The following HSPG2 variants were observed in gnomAD, a reference collection of about 807,000 sequenced individuals.
HSPG2 encodes the protein heparan sulfate proteoglycan 2.
A neutral mutation model predicts 526.6 loss-of-function variants in HSPG2; 278 were observed. The ratio of observed to expected loss-of-function variants is 0.53; its 90% CI spans 0.48 to 0.58. The LOEUF is 0.58. HSPG2 is among the 20% of genes least tolerant of loss of function. The probability of loss-of-function intolerance (pLI) is 0.00; values close to 1 mark genes in which losing one functional copy is unlikely to be tolerated. For missense variants in HSPG2, 5,354 were observed against 6,099.5 expected (o/e 0.88, Z 4.07); for synonymous variants, 2,465 against 2,555.4 (o/e 0.96, Z 1.07).
At chr1:21,896,412 G>T in intron 1 of HSPG2, 102 bp from the exon 2 acceptor site, 1 of 1,385,888 alleles carries the variant, frequency 7.2e-7, no homozygotes, top group Non-Finnish European at 1.0e-6. Flanking sequence ...CCACCTTCAG[G>T]CCCCTTAGTG....
intron 37 of HSPG2, among the ~76,000 whole-genome samples, chr1:21,863,147 T>C (rs1207468813): frequency 7.8e-6 from 1 of 127,674 alleles, no homozygotes; most frequent in East Asian, 2.2e-4. Context: ...CCAAGGCGGG[T>C]GGATCACAAG....
Position 21,873,414 on chromosome 1 carries a change from C to T in HSPG2, c.3754G>A (p.Gly1252Ser), listed in dbSNP as rs370163974. Residue 1252 changes from glycine to serine, a missense_variant, in exon 30 of 97, where the codon GGC (glycine) becomes AGC (serine). By Grantham distance (56) the Gly-to-Ser change is moderately conservative. Coordinates refer to ENST00000374695, the MANE Select transcript of HSPG2 (RefSeq NM_005529.7). ...SGRHCERCAP[G>S]YYGNPSQGQP... ...CCCTGGCTGGGGTTGCCATAGTAGC[C>T]AGGGGCGCACCTGCAGAGAGAAAAA... 9 of 1,614,080 alleles carry T rather than the reference C, an allele frequency of 5.6e-6. No individual in the cohort carries two copies. The African/African-American group carries it at 1.2e-4, about 22-fold the overall frequency.
chr1:21,879,717 G>C (rs113528140), intron 17 of HSPG2, among the ~76,000 whole-genome samples: 2,455 of 152,126 alleles, frequency 0.016, 59 homozygotes, highest in African/African-American at 0.055. Flanking sequence ...CAGGGGCACG[G>C]TCTTGGCCTA....
In HSPG2 at chr1:21,857,526, T is replaced by C. The variant is rs906964340; in HGVS notation, c.5294-141A>G. ...CTCATTCTACCCCCTGGCACCTCCC[T>C]CCCCCATTCTGGCTGAACCCCACCA... On this transcript the variant is annotated intron_variant, in intron 42 of 96. Coordinates refer to ENST00000374695, the MANE Select transcript of HSPG2 (RefSeq NM_005529.7). 27 of 771,326 alleles carry C rather than the reference T, an allele frequency of 3.5e-5. No individual in the cohort carries two copies. In the African/African-American group the frequency reaches 3.8e-4, roughly 11 times the overall value. 47.8% of individuals were successfully genotyped at this position (771,326 alleles called of 1,614,324 possible). A position where few individuals can be genotyped will look rare whatever the true frequency, so the allele number is the denominator to read the frequency against.
chr1:21,848,184 G>T lies in HSPG2; in HGVS notation c.7738-91C>A. The T allele has an allele frequency of 1.4e-6, 2 of 1,453,958 alleles. No homozygotes were observed. Among genetic ancestry groups the T allele is most frequent in the Non-Finnish European group, 9.3e-7 (1 of 1,071,606 alleles). 90.1% of individuals were successfully genotyped at this position (1,453,958 alleles called of 1,614,324 possible). A position where few individuals can be genotyped will look rare whatever the true frequency, so the allele number is the denominator to read the frequency against. ...TGCTGCCGCTGCCCCTGGACTCTGG[G>T]GGCCTCCCTGCCTTGCCTCCTCAGT... On this transcript the variant is annotated intron_variant, in intron 59 of 96. Transcript: ENST00000374695. The surrounding 1 kb of genome is among the most constrained non-coding windows in gnomAD (Gnocchi z 4.9).
intron 86 of HSPG2, 181 bp downstream of exon 86, chr1:21,829,812 T>C (rs2152690703): frequency 1.4e-6 from 1 of 711,860 alleles, no homozygotes; most frequent in South Asian, 1.7e-5. Context: ...GGGGTCCTCT[T>C]TGGGGGCCCT....
At chr1:21,903,676 T>C (rs1172073365) in intron 1 of HSPG2, among the ~76,000 whole-genome samples, 2 of 152,218 alleles carry the variant, frequency 1.3e-5, no homozygotes, top group Non-Finnish European at 2.9e-5. Flanking sequence ...GCCTCCTTCC[T>C]GGGGCTACTG....
intron 28 of HSPG2, 75 bp downstream of exon 28, chr1:21,874,331 C>A: frequency 6.3e-7 from 1 of 1,586,054 alleles, no homozygotes; most frequent in Non-Finnish European, 8.6e-7. Flanking sequence ...TCAGAAGGGC[C>A]CTGGATGAAG....
chr1:21,845,827 T>C (rs1036668553), intron 64 of HSPG2, among the ~76,000 whole-genome samples: 1 of 152,230 alleles, frequency 6.6e-6, no homozygotes, highest in Non-Finnish European at 1.5e-5. Context: ...CTGAGGTCCC[T>C]TGTGCAACAT....
intron 91 of HSPG2, chr1:21,825,097 G>T: frequency 2.4e-6 from 1 of 415,626 alleles, no homozygotes; most frequent in South Asian, 2.3e-5. Flanking sequence ...GACAGTAGCT[G>T]CAAATATTTC....
intron 1 of HSPG2, among the ~76,000 whole-genome samples, chr1:21,929,931 G>A (rs1431247649): frequency 2.0e-5 from 3 of 152,076 alleles, no homozygotes. Flanking sequence ...CCTTTGCTCT[G>A]GACCCTCCCC....
chr1:21,837,623 T>C (rs1479937531), intron 74 of HSPG2, among the ~76,000 whole-genome samples: 1 of 152,062 alleles, frequency 6.6e-6, no homozygotes, highest in Non-Finnish European at 1.5e-5. Context: ...CAGCAAAGCC[T>C]ATTCTGCCTG....
intron 74 of HSPG2, among the ~76,000 whole-genome samples, chr1:21,837,902 G>A (rs2098033057): frequency 6.6e-6 from 1 of 152,088 alleles, no homozygotes. Context: ...TTGGGAGGCT[G>A]AGGTGGGTGG....
intron 50 of HSPG2, chr1:21,853,791 T>G: frequency 4.9e-6 from 1 of 203,406 alleles, no homozygotes; most frequent in Non-Finnish European, 9.8e-6. Context: ...TAAAATAAAA[T>G]AAAATAATAA....
rs765575912 is a variant in HSPG2 at position 21,874,948 on chromosome 1, G to A, written c.3357C>T (p.Pro1119=). The A allele has an allele frequency of 1.7e-5, 28 of 1,612,262 alleles. No individual in the cohort carries two copies. Among genetic ancestry groups the A allele is most frequent in the Middle Eastern group, 1.7e-4 (1 of 6,058 alleles). The change falls in exon 26 of 97, where the codon CCC becomes CCT. Residue 1119 remains proline (P), a synonymous_variant. Coordinates refer to ENST00000374695, the MANE Select transcript of HSPG2 (RefSeq NM_005529.7). ...VAVPEETGQD[P]ALEVEQCSCP... Reference sequence around the variant, plus strand: ...AGGAGCACTGTTCCACTTCCAGCGCGGGGTCCTGGCCGGTTTCCTCGGGCA... The same window carrying A: ...AGGAGCACTGTTCCACTTCCAGCGCAGGGTCCTGGCCGGTTTCCTCGGGCA...
At chr1:21,891,090 C>T (rs1288433972) in intron 3 of HSPG2, among the ~76,000 whole-genome samples, 4 of 152,208 alleles carry the variant, frequency 2.6e-5, no homozygotes, top group African/African-American at 9.7e-5. Flanking sequence ...CTACTCATTC[C>T]TCAGGACTTG....
Position 21,854,750 on chromosome 1 carries a change from G to A in HSPG2, c.6149C>T (p.Pro2050Leu), listed in dbSNP as rs1410461977. Residue 2050 changes from proline to leucine, a missense_variant, in exon 49 of 97, where the codon CCA becomes CTA. By Grantham distance (98) the Pro-to-Leu change is moderately conservative. Coordinates refer to ENST00000374695, the MANE Select transcript of HSPG2 (RefSeq NM_005529.7). The stretch of plus-strand genomic sequence containing the variant: ...TGAGGACTCAATCTTGACCGGCGGT[G>A]GGCTGGCATCTGAGGCTGGGGCCAG... Reference protein sequence around the residue: ...VVVLSASDASPPPVKIESSSP... With the variant: ...VVVLSASDASLPPVKIESSSP... 1 of 1,613,722 alleles carries A rather than the reference G, an allele frequency of 6.2e-7. No individual in the cohort carries two copies. Among genetic ancestry groups the A allele is most frequent in the Admixed American group, 1.7e-5 (1 of 59,960 alleles).
Position 21,839,419 on chromosome 1 carries a change from T to C in HSPG2, c.9841A>G (p.Thr3281Ala). 1 of 1,613,932 alleles carries C rather than the reference T, an allele frequency of 6.2e-7. No individual in the cohort carries two copies. The highest frequency in any genetic ancestry group is 8.5e-7 in the Non-Finnish European group (1 of 1,179,988). Reference sequence around the variant, plus strand: ...GCCTCAGCGTGCCCAGCAGGGCTAGTGGCATTGCAGATGTACTGGCCCGAG... The same window carrying C: ...GCCTCAGCGTGCCCAGCAGGGCTAGCGGCATTGCAGATGTACTGGCCCGAG... The part of the protein sequence containing the change: ...QDSGQYICNA[T>A]SPAGHAEATI... Residue 3281 changes from threonine (T) to alanine (A), a missense_variant, in exon 73 of 97, where the codon ACT becomes GCT. Transcript: ENST00000374695. This position sits in a 1 kb window ranked among gnomAD's most constrained non-coding sequence, Gnocchi z 4.5.
chr1:21,927,204 A>G (rs992164851), intron 1 of HSPG2, among the ~76,000 whole-genome samples: 1 of 151,942 alleles, frequency 6.6e-6, no homozygotes, highest in African/African-American at 2.4e-5. Flanking sequence ...ACCGACTGGG[A>G]TGGGAGAAAG....
Sources: allele counts gnomAD v4.1 joint callset (sites outside exome capture counted in the v4.1 genomes callset), GRCh38; gene constraint gnomAD v4.1.1; non-coding constraint Gnocchi (gnomAD v3.1); transcripts MANE v1.5; gene names NCBI Gene and HGNC (gene_info 2026-07-23, HGNC 2026-07-21).